The following ETF1 variants were observed in gnomAD, a reference collection of about 807,000 sequenced individuals.
ETF1 encodes eukaryotic peptide chain release factor subunit 1.
Under a neutral mutation model 55.1 loss-of-function variants are expected in ETF1, and 4 were observed. The ratio of observed to expected loss-of-function variants is 0.07; its 90% CI spans 0.04 to 0.17. ETF1 has a LOEUF of 0.17. Among genes scored for constraint, ETF1 ranks in the 10% least tolerant of loss-of-function variants. ETF1 has a pLI of 1.00. For missense variants in ETF1, 142 were observed against 523.6 expected, an observed-to-expected ratio of 0.27 and a Z score of 7.11; for synonymous variants, 157 against 182.3, an observed-to-expected ratio of 0.86 and a Z score of 1.12.
chr5:138,517,124 A>G (rs562910104), intron 4 of ETF1, among the ~76,000 whole-genome samples: 3 of 152,126 alleles, frequency 2.0e-5, no homozygotes, highest in Non-Finnish European at 4.4e-5. Flanking sequence ...TAATCCTAGT[A>G]CTTTGGGAGG....
chr5:138,524,010 C>G (rs1157456819), intron 2 of ETF1, among the ~76,000 whole-genome samples: 2 of 152,088 alleles, frequency 1.3e-5, no homozygotes, highest in Non-Finnish European at 2.9e-5. Context: ...AACCTCACCT[C>G]TACTAAAAAT....
intron 4 of ETF1, among the ~76,000 whole-genome samples, chr5:138,516,943 T>C (rs1243295100): frequency 2.0e-5 from 3 of 152,136 alleles, no homozygotes; most frequent in Non-Finnish European, 2.9e-5. Flanking sequence ...ATATGGCATA[T>C]AGGTATACAA....
rs1764559246 is a variant in ETF1 at position 138,506,405 on chromosome 5, T to C, written c.*1900A>G. 1.3e-5 allele frequency: 2 copies of C among 152,668 alleles called. No individual in the cohort carries two copies. The highest frequency in any genetic ancestry group is 3.8e-4 in the East Asian group (2 of 5,202). The allele number at this position is 152,668 out of a possible 1,614,324, so 9.5% of individuals were successfully genotyped here. ...GGAGCTGCATACCCTAAATGTATCA[T>C]GTGAAACAACAAGCATATTCAAAAA... On this transcript the variant is annotated 3_prime_UTR_variant, in exon 11 of 11. Coordinates refer to ENST00000360541, the MANE Select transcript of ETF1 (RefSeq NM_004730.4).
chr5:138,518,111 A>G (rs1433236087), intron 3 of ETF1, among the ~76,000 whole-genome samples: 1 of 151,384 alleles, frequency 6.6e-6, no homozygotes, highest in African/African-American at 2.4e-5. Context: ...CTGAGACGGA[A>G]GAATCACTTC....
Position 138,506,281 on chromosome 5 carries a change from T to A in ETF1, c.*2024A>T, listed in dbSNP as rs1764555225. The A allele has an allele frequency of 6.6e-6, 1 of 152,602 alleles. No individual in the cohort carries two copies. Among genetic ancestry groups the A allele is most frequent in the Non-Finnish European group, 1.5e-5 (1 of 68,044 alleles). 9.5% of individuals were successfully genotyped at this position (152,602 alleles called of 1,614,324 possible). ...ATATATTGATACACACATCAATATA[T>A]AATGCAATATATATCACCGAAGAGA... On this transcript the variant is annotated 3_prime_UTR_variant, in exon 11 of 11. Coordinates refer to ENST00000360541, the MANE Select transcript of ETF1 (RefSeq NM_004730.4).
At chr5:138,524,945 AT>A (rs1475439412) in intron 2 of ETF1, among the ~76,000 whole-genome samples, 1 of 150,882 alleles carries the variant, frequency 6.6e-6, no homozygotes, top group African/African-American at 2.4e-5. Flanking sequence ...TTGGAAGTTA[AT>A]TTTATTATAT....
At chr5:138,542,634 C>A in intron 2 of ETF1, 199 bp downstream of exon 2, 1 of 1,426,680 alleles carries the variant, frequency 7.0e-7, no homozygotes, top group Non-Finnish European at 9.1e-7. Flanking sequence ...GGCCCCTTAC[C>A]CCCATGCGGG....
chr5:138,539,750 G>A (rs1341225647), intron 2 of ETF1, among the ~76,000 whole-genome samples: 5 of 152,124 alleles, frequency 3.3e-5, no homozygotes, highest in African/African-American at 9.7e-5. Flanking sequence ...TTCTACACAC[G>A]TGTAACATAA....
chr5:138,530,285 T>G (rs1163213028), intron 2 of ETF1, among the ~76,000 whole-genome samples: 1 of 152,068 alleles, frequency 6.6e-6, no homozygotes, highest in Non-Finnish European at 1.5e-5. Context: ...ATGAAAGATT[T>G]TTTTTTTCTC....
Position 138,507,979 on chromosome 5 carries a change from T to TA in ETF1, c.*325dup, listed in dbSNP as rs996404305. On this transcript the variant is annotated 3_prime_UTR_variant, in exon 11 of 11. Coordinates refer to ENST00000360541, the MANE Select transcript of ETF1 (RefSeq NM_004730.4). ...TATTTTTGCTTCTATGTATGAAGGTTAAAAAAATCATTTTTTTTCATAAAA... is the reference window on the plus strand; with the variant it reads ...TATTTTTGCTTCTATGTATGAAGGTTAAAAAAAATCATTTTTTTTCATAAAA... 28 of 241,820 alleles carry TA rather than the reference T, an allele frequency of 1.2e-4. No individual in the cohort carries two copies. The highest frequency in any genetic ancestry group is 1.2e-4 in the Non-Finnish European group (15 of 125,802). 15.0% of individuals were successfully genotyped at this position (241,820 alleles called of 1,614,324 possible). A position where few individuals can be genotyped will look rare whatever the true frequency, so the allele number is the denominator to read the frequency against.
chr5:138,511,278 A>C (rs1056183730), intron 7 of ETF1, 78 bp from the exon 8 acceptor site: 4 of 1,557,694 alleles, frequency 2.6e-6, no homozygotes, highest in Non-Finnish European at 3.5e-6. Context: ...CGACCTAATG[A>C]CTAAAGAAGA....
At chr5:138,538,234 G>C (rs536567498) in intron 2 of ETF1, among the ~76,000 whole-genome samples, 9 of 150,004 alleles carry the variant, frequency 6.0e-5, no homozygotes, top group South Asian at 4.2e-4. Context: ...CTGTTGCCCA[G>C]GCTGGAGTGC....
At position 138,537,253 on chromosome 5, in the gene ETF1, G is replaced by C. The variant is rs113373096; in HGVS notation, c.86+5580C>G. The stretch of plus-strand genomic sequence containing the variant: ...TCATCTATTTCTCCTCTTTCTCATA[G>C]TTCAGACCTGTGGCATCTGTATCCT... On this transcript the variant is annotated intron_variant, in intron 2 of 10. Coordinates refer to ENST00000360541, the MANE Select transcript of ETF1 (RefSeq NM_004730.4). 6.0e-3 allele frequency among the ~76,000 whole-genome samples: 906 copies of C among 152,090 alleles called. 4 individuals carry two copies. The highest frequency in any genetic ancestry group is 8.6e-3 in the Non-Finnish European group (585 of 68,000).
In ETF1 at chr5:138,529,662, G is replaced by A. The variant is rs1333648895; in HGVS notation, c.87-10795C>T. ...TTATCAAAGCTTTCATCAATGCTTCGCCCAGAGGGTTAACGTCTGAAAAAT... is the reference window on the plus strand; with the variant it reads ...TTATCAAAGCTTTCATCAATGCTTCACCCAGAGGGTTAACGTCTGAAAAAT... On this transcript the variant is annotated intron_variant, in intron 2 of 10. Coordinates refer to ENST00000360541, the MANE Select transcript of ETF1 (RefSeq NM_004730.4). The A allele has an allele frequency of 9.1e-6, 9 of 984,740 alleles. No homozygotes were observed. The South Asian group carries it at 3.3e-4, about 36-fold the overall frequency. The allele number at this position is 984,740 out of a possible 1,614,324, so 61.0% of individuals were successfully genotyped here. A position where few individuals can be genotyped will look rare whatever the true frequency, so the allele number is the denominator to read the frequency against.
intron 2 of ETF1, among the ~76,000 whole-genome samples, chr5:138,532,624 C>G (rs567083208): frequency 1.2e-3 from 180 of 152,296 alleles, no homozygotes; most frequent in Non-Finnish European, 1.4e-3. Context: ...TATTTGAATC[C>G]TGTTAGGTCC....
At chr5:138,525,304 T>G (rs1326014671) in intron 2 of ETF1, among the ~76,000 whole-genome samples, 1 of 151,870 alleles carries the variant, frequency 6.6e-6, no homozygotes. Flanking sequence ...AGTACAGGCG[T>G]GCGCCACCAC....
chr5:138,540,102 C>G (rs778285861), intron 2 of ETF1, among the ~76,000 whole-genome samples: 1 of 152,148 alleles, frequency 6.6e-6, no homozygotes, highest in African/African-American at 2.4e-5. Flanking sequence ...AAATTTGGGT[C>G]ATATATCAAG....
chr5:138,529,963 G>A (rs756534398), intron 2 of ETF1, among the ~76,000 whole-genome samples: 7 of 152,002 alleles, frequency 4.6e-5, no homozygotes, highest in South Asian at 2.1e-4. Context: ...GGCTGGTCAC[G>A]AACTCTTGGG....
rs768514451 is a variant in ETF1, at chr5:138,506,221, ATG to A, written c.*2082_*2083del. The A allele has an allele frequency of 6.6e-6, 1 of 152,610 alleles. No individual in the cohort carries two copies. The highest frequency in any genetic ancestry group is 1.5e-5 in the Non-Finnish European group (1 of 68,042). The allele number at this position is 152,610 out of a possible 1,614,324, so 9.5% of individuals were successfully genotyped here. On this transcript the variant is annotated 3_prime_UTR_variant, in exon 11 of 11. Coordinates refer to ENST00000360541, the MANE Select transcript of ETF1 (RefSeq NM_004730.4). The stretch of plus-strand genomic sequence containing the variant: ...GGCTACGGTTTTCACCCCCTCTTAT[ATG>A]TGTTTGTATGTGTAAGTGTAATACA...
Sources: gnomAD v4.1 joint callset for allele counts (sites outside exome capture counted in the v4.1 genomes callset) on GRCh38, gnomAD v4.1.1 for gene constraint, MANE v1.5 for transcripts, NCBI Gene and HGNC (gene_info 2026-07-23, HGNC 2026-07-21) for gene names.